TSHZ2: variants seen among roughly 807,000 people sequenced by gnomAD.
TSHZ2 encodes the protein teashirt homolog 2.
A neutral mutation model predicts 74.4 loss-of-function variants in TSHZ2; 21 were observed. The observed-to-expected ratio is 0.28, with a 90% CI of 0.20 to 0.41. TSHZ2 has a LOEUF of 0.41. Ranked by LOEUF, TSHZ2 falls within the 10% of genes least tolerant of loss-of-function variation. TSHZ2 has a pLI of 1.00. For missense variants in TSHZ2, 1,244 were observed against 1,293.5 expected (o/e 0.96, Z 0.59); for synonymous variants, 540 against 515.3 (o/e 1.05, Z -0.65).
intron 1 of TSHZ2, among the ~76,000 whole-genome samples, chr20:53,103,181 A>C (rs1986267090): frequency 6.6e-6 from 1 of 152,226 alleles, no homozygotes; most frequent in Non-Finnish European, 1.5e-5. Context: ...GAAAGAAGTA[A>C]CATAAAAGCT....
chr20:53,210,009 C>A (rs1392373640), intron 1 of TSHZ2, among the ~76,000 whole-genome samples: 5 of 152,192 alleles, frequency 3.3e-5, no homozygotes, highest in Admixed American at 2.0e-4. Context: ...GGAAACATTG[C>A]CTTGATGTAG....
intron 2 of TSHZ2, among the ~76,000 whole-genome samples, chr20:53,471,885 C>T (rs964073592): frequency 6.1e-5 from 9 of 146,966 alleles, no homozygotes; most frequent in African/African-American, 1.0e-4. Context: ...CGGCTCACTA[C>T]GACCTCCATC....
chr20:52,980,944 C>A (rs16997368), intron 1 of TSHZ2, among the ~76,000 whole-genome samples: 2,342 of 152,016 alleles, frequency 0.015, 67 homozygotes, highest in African/African-American at 0.054. Context: ...TCTTTTATAC[C>A]CCAGAGAGAT....
intron 2 of TSHZ2, among the ~76,000 whole-genome samples, chr20:53,356,396 C>T (rs1980848905): frequency 6.6e-6 from 1 of 152,192 alleles, no homozygotes; most frequent in Non-Finnish European, 1.5e-5. Flanking sequence ...CATAGGCATA[C>T]AACCTATGCA....
chr20:53,079,791 A>G (rs867495369), intron 1 of TSHZ2, among the ~76,000 whole-genome samples: 1 of 151,532 alleles, frequency 6.6e-6, no homozygotes, highest in Non-Finnish European at 1.5e-5. Context: ...GCAGATAGCT[A>G]CTATAGCTAC....
At chr20:53,036,956 T>C (rs1983846134) in intron 1 of TSHZ2, among the ~76,000 whole-genome samples, 1 of 152,012 alleles carries the variant, frequency 6.6e-6, no homozygotes, top group African/African-American at 2.4e-5. Context: ...AATATTCCTT[T>C]ACATTTTAAT....
Position 53,196,347 on chromosome 20 carries a change from G to A in TSHZ2, c.41-57152G>A, listed in dbSNP as rs545171410. The A allele has an allele frequency of 2.6e-4, 34 of 132,554 alleles. No homozygotes were observed. In the East Asian group the frequency reaches 8.4e-3, roughly 33 times the overall value. 8.2% of individuals were successfully genotyped at this position (132,554 alleles called of 1,614,324 possible). On this transcript the variant is annotated intron_variant, in intron 1 of 2. Transcript: ENST00000371497. ...TCAGGCCAAGAGACAACATCCCGGA[G>A]GCATCAAGAATCTGCTGCTAAAAAA...
At chr20:53,064,873 G>A (rs1180979097) in intron 1 of TSHZ2, among the ~76,000 whole-genome samples, 1 of 152,152 alleles carries the variant, frequency 6.6e-6, no homozygotes, top group African/African-American at 2.4e-5. Flanking sequence ...GGAGCAGATG[G>A]TAAGACTTCT....
At chr20:53,100,893 C>T (rs1403754066) in intron 1 of TSHZ2, among the ~76,000 whole-genome samples, 2 of 152,174 alleles carry the variant, frequency 1.3e-5, no homozygotes, top group Admixed American at 1.3e-4. Flanking sequence ...GCACACCCAG[C>T]ATTGACAAAT....
chr20:53,217,867 C>G (rs16997753), intron 1 of TSHZ2, among the ~76,000 whole-genome samples: 1,577 of 148,324 alleles, frequency 0.011, 35 homozygotes, highest in African/African-American at 0.04. Context: ...TTTATCCTCA[C>G]CTTTGCAAAC....
chr20:53,381,023 A>G (rs571326061), intron 2 of TSHZ2, among the ~76,000 whole-genome samples: 67 of 152,172 alleles, frequency 4.4e-4, no homozygotes, highest in Non-Finnish European at 9.0e-4. Context: ...CTAATTCAGG[A>G]TCCAGCATTT....
At chr20:53,235,954 G>A (rs551153032) in intron 1 of TSHZ2, among the ~76,000 whole-genome samples, 78 of 152,198 alleles carry the variant, frequency 5.1e-4, no homozygotes, top group Non-Finnish European at 9.7e-4. Context: ...TAATGAGAAC[G>A]TCACATTGAT....
At chr20:53,441,726 C>T (rs982809376) in intron 2 of TSHZ2, among the ~76,000 whole-genome samples, 51 of 152,090 alleles carry the variant, frequency 3.4e-4, no homozygotes, top group African/African-American at 1.2e-3. Flanking sequence ...GGATTACAGG[C>T]ATGTGCCACC....
intron 2 of TSHZ2, among the ~76,000 whole-genome samples, chr20:53,384,230 T>C (rs1981964300): frequency 6.6e-6 from 1 of 152,090 alleles, no homozygotes; most frequent in South Asian, 2.1e-4. Flanking sequence ...GTGAGCCAGT[T>C]CTTGCTTACA....
intron 2 of TSHZ2, among the ~76,000 whole-genome samples, chr20:53,346,119 G>A (rs984498733): frequency 5.3e-5 from 8 of 152,090 alleles, no homozygotes; most frequent in Admixed American, 1.3e-4. Context: ...TCCCTGTTTC[G>A]GATGCCTACC....
intron 1 of TSHZ2, among the ~76,000 whole-genome samples, chr20:53,145,498 A>G (rs982181951): frequency 6.6e-6 from 1 of 152,164 alleles, no homozygotes; most frequent in African/African-American, 2.4e-5. Context: ...GAGTGGGGCC[A>G]TAAGACAGGA....
intron 1 of TSHZ2, among the ~76,000 whole-genome samples, chr20:53,047,927 C>T (rs190849195): frequency 1.2e-4 from 18 of 152,090 alleles, no homozygotes; most frequent in Non-Finnish European, 2.4e-4. Context: ...AGGTAGACAC[C>T]GTCGCACTTT....
intron 1 of TSHZ2, among the ~76,000 whole-genome samples, chr20:53,238,042 A>T (rs1989979912): frequency 6.6e-6 from 1 of 152,186 alleles, no homozygotes; most frequent in Non-Finnish European, 1.5e-5. Context: ...ATCTAGAAAT[A>T]GGGTATTCTT....
intron 1 of TSHZ2, among the ~76,000 whole-genome samples, chr20:53,143,639 C>T (rs1987465793): frequency 6.6e-6 from 1 of 152,056 alleles, no homozygotes; most frequent in Non-Finnish European, 1.5e-5. Flanking sequence ...TTGCAGTGAG[C>T]CAAGATCGTG....
Sources: allele counts gnomAD v4.1 joint callset (sites outside exome capture counted in the v4.1 genomes callset), GRCh38; gene constraint gnomAD v4.1.1; transcripts MANE v1.5; gene names NCBI Gene and HGNC (gene_info 2026-07-23, HGNC 2026-07-21).